The following ZFYVE26 variants were observed in gnomAD, a reference collection of about 807,000 sequenced individuals.
ZFYVE26 encodes the protein zinc finger FYVE domain-containing protein 26.
In ZFYVE26, 181 loss-of-function variants were observed where a neutral mutation model predicts 276.5. The ratio of observed to expected loss-of-function variants is 0.65; its 90% CI spans 0.58 to 0.74. The LOEUF (loss-of-function observed/expected upper bound fraction) is 0.74. Among genes scored for constraint, ZFYVE26 ranks in the 30% least tolerant of loss-of-function variants. The pLI is 0.00. For missense variants in ZFYVE26, 2,821 were observed against 3,097.9 expected, an observed-to-expected ratio of 0.91 and a Z score of 2.12; for synonymous variants, 1,129 against 1,203.1, an observed-to-expected ratio of 0.94 and a Z score of 1.27.
At chr14:67,801,681 A>G (rs1034418655) in intron 10 of ZFYVE26, among the ~76,000 whole-genome samples, 2 of 152,254 alleles carry the variant, frequency 1.3e-5, no homozygotes, top group South Asian at 4.1e-4. Context: ...GGAAAGAAAA[A>G]TAATCAGGAG....
chr14:67,775,232 C>G (rs137982226), intron 26 of ZFYVE26, 118 bp from the exon 27 acceptor site: 2 of 694,952 alleles, frequency 2.9e-6, no homozygotes, highest in African/African-American at 3.6e-5. Flanking sequence ...CATGACTCTA[C>G]TAGGTATTAA....
intron 23 of ZFYVE26, among the ~76,000 whole-genome samples, chr14:67,778,589 A>G (rs973151036): frequency 6.6e-6 from 1 of 152,246 alleles, no homozygotes; most frequent in Non-Finnish European, 1.5e-5. Context: ...ACTTTTTTAA[A>G]ATCATAAAAT....
chr14:67,786,161 C>A lies in ZFYVE26; in HGVS notation c.3092G>T (p.Ser1031Ile). ...RGFPVVLQQI[S>I]KSLNYLLMSA... ...CATAAGCAGATAATTGAGACTCTTACTGATTTGCTGAAGAACAACTGGAAA... is the reference window on the plus strand; with the variant it reads ...CATAAGCAGATAATTGAGACTCTTAATGATTTGCTGAAGAACAACTGGAAA... The change falls in exon 17 of 42, where the codon AGT (serine) becomes ATT (isoleucine). Residue 1031 changes from serine to isoleucine, a missense_variant. By Grantham distance (142) the Ser-to-Ile change is moderately radical (BLOSUM62 -2). Transcript: ENST00000347230. 6.2e-7 allele frequency: 1 copy of A among 1,609,926 alleles called. No homozygotes were observed. The highest frequency in any genetic ancestry group is 8.5e-7 in the Non-Finnish European group (1 of 1,179,064).
rs546684527 is a variant in ZFYVE26 at position 67,738,057 on chromosome 14, C to T, written n.2680-8238G>A. Among the ~76,000 whole-genome samples the T allele has an allele frequency of 2.0e-5, 3 of 152,068 alleles. No homozygotes were observed. The South Asian group carries it at 6.2e-4, about 32-fold the overall frequency. ...AAGATGCCATTATACCATTTTAAAC[C>T]ATCACATTGTCAAAAATTTGAAAGC... On this transcript the variant is annotated intron_variant and non_coding_transcript_variant, in intron 13 of 14. Transcript: ENST00000394455.
In ZFYVE26 at chr14:67,768,619, G is replaced by A. The variant is rs1314254408; in HGVS notation, c.5622-71C>T. ...TTCTTTGTTTTGAGCTTCGTAGACA[G>A]CATCAACTTACAGTGTCTCCCTGGT... On this transcript the variant is annotated intron_variant, in intron 29 of 41. Coordinates refer to ENST00000347230, the MANE Select transcript of ZFYVE26 (RefSeq NM_015346.4). 6 of 1,464,910 alleles carry A rather than the reference G, an allele frequency of 4.1e-6. No individual in the cohort carries two copies. The East Asian group carries it at 9.1e-5, about 22-fold the overall frequency. 90.7% of individuals were successfully genotyped at this position (1,464,910 alleles called of 1,614,324 possible).
intron 20 of ZFYVE26, 71 bp from the exon 21 acceptor site, chr14:67,783,596 T>G: frequency 6.3e-7 from 1 of 1,583,284 alleles, no homozygotes; most frequent in Non-Finnish European, 8.6e-7. Context: ...TTACAATTTC[T>G]TTATGCTTAC....
intron 38 of ZFYVE26, 120 bp from the exon 39 acceptor site, chr14:67,753,886 G>T: frequency 6.7e-7 from 1 of 1,483,930 alleles, no homozygotes; most frequent in Non-Finnish European, 9.4e-7. Context: ...ACCCTGCTAA[G>T]TGCCAGGCAC....
chr14:67,780,141 A>C, intron 23 of ZFYVE26, 100 bp downstream of exon 23: 1 of 1,167,778 alleles, frequency 8.6e-7, no homozygotes, highest in Admixed American at 2.0e-5. Flanking sequence ...ATTTTTTTAA[A>C]AAGTGAACAT....
chr14:67,741,021 G>A (rs916820398), intron 13 of ZFYVE26, among the ~76,000 whole-genome samples: 1 of 152,040 alleles, frequency 6.6e-6, no homozygotes, highest in East Asian at 1.9e-4. Context: ...ATAGACCCTC[G>A]ACTACTGAAA....
At chr14:67,785,702 A>C (rs1004122274) in intron 18 of ZFYVE26, among the ~76,000 whole-genome samples, 156 bp downstream of exon 18, 1 of 152,190 alleles carries the variant, frequency 6.6e-6, no homozygotes, top group African/African-American at 2.4e-5. Flanking sequence ...AGGTGAAGTT[A>C]AGTTACGAGA....
intron 34 of ZFYVE26, 66 bp from the exon 35 acceptor site, chr14:67,761,650 T>C: frequency 7.1e-7 from 1 of 1,412,898 alleles, no homozygotes; most frequent in Non-Finnish European, 9.9e-7. Context: ...ACTGAAAATA[T>C]TGCTTGCAAA....
chr14:67,777,529 C>T (rs753235361), intron 25 of ZFYVE26, 30 bp downstream of exon 25: 7 of 1,612,480 alleles, frequency 4.3e-6, no homozygotes, highest in South Asian at 1.1e-5. Context: ...ATCCCACATA[C>T]AGCGCCTGGA....
intron 13 of ZFYVE26, among the ~76,000 whole-genome samples, chr14:67,732,006 A>T (rs2038282936): frequency 6.6e-6 from 1 of 151,886 alleles, no homozygotes; most frequent in African/African-American, 2.4e-5. Flanking sequence ...GGGTGCCTGT[A>T]ATCCCAGCCA....
At position 67,752,383 on chromosome 14, in the gene ZFYVE26, G is replaced by A. The variant is rs780471632; in HGVS notation, c.7332C>T (p.Leu2444=). Reference sequence around the variant, plus strand: ...TCTTGAACGCTTCCAGGCAGTTGAGGAGGATGGTGTCCCCGTCACTTTTGG... The same window carrying A: ...TCTTGAACGCTTCCAGGCAGTTGAGAAGGATGGTGTCCCCGTCACTTTTGG... ...MAAKSDGDTI[L]LNCLEAFKRI... is the part of the protein sequence containing the mutation. Residue 2444 remains leucine (L), a synonymous_variant, in exon 40 of 42, where the codon CTC becomes CTT. Transcript: ENST00000347230. The A allele has an allele frequency of 1.9e-6, 3 of 1,612,802 alleles. No homozygotes were observed. The highest frequency in any genetic ancestry group is 2.2e-5 in the East Asian group (1 of 44,864).
intron 12 of ZFYVE26, 21 bp from the exon 13 acceptor site, chr14:67,794,260 A>AGAGAAAGT: frequency 6.2e-7 from 1 of 1,611,732 alleles, no homozygotes; most frequent in Non-Finnish European, 8.5e-7. Context: ...TGGGAAGAAG[A>AGAGAAAGT]GAGAAAGTCA....
chr14:67,808,079 C>G (rs1009907471), intron 4 of ZFYVE26, among the ~76,000 whole-genome samples, 159 bp from the exon 5 acceptor site: 1 of 152,094 alleles, frequency 6.6e-6, no homozygotes, highest in Non-Finnish European at 1.5e-5. Flanking sequence ...GTTCTAAGGC[C>G]CTTTACACAG....
At chr14:67,769,927 G>C (rs1020758444) in intron 28 of ZFYVE26, 197 bp from the exon 29 acceptor site, 7 of 695,372 alleles carry the variant, frequency 1.0e-5, no homozygotes, top group Non-Finnish European at 1.4e-5. Flanking sequence ...CAGCTGATGG[G>C]CAAAGGTGCG....
At chr14:67,799,911 C>G in intron 10 of ZFYVE26, among the ~76,000 whole-genome samples, 1 of 152,222 alleles carries the variant, frequency 6.6e-6, no homozygotes, top group East Asian at 1.9e-4. Flanking sequence ...ACACAGAACT[C>G]TATCTAGGAT....
chr14:67,790,803 T>A, intron 14 of ZFYVE26, 30 bp from the exon 15 acceptor site: 1 of 1,580,936 alleles, frequency 6.3e-7, no homozygotes, highest in Non-Finnish European at 8.7e-7. Context: ...GTGTGGGCCC[T>A]GGTGGTCCCA....
Sources: allele counts gnomAD v4.1 joint callset (sites outside exome capture counted in the v4.1 genomes callset), GRCh38; gene constraint gnomAD v4.1.1; transcripts MANE v1.5; gene names NCBI Gene and HGNC (gene_info 2026-07-23, HGNC 2026-07-21).